Variants in ATRNL1 observed in about 807,000 individuals in gnomAD.
ATRNL1 encodes the protein attractin like 1.
Under a neutral mutation model 182.7 loss-of-function variants are expected in ATRNL1, and 95 were observed. The observed-to-expected ratio is 0.52, with a 90% CI of 0.44 to 0.62. The LOEUF is 0.62. Among genes scored for constraint, ATRNL1 ranks in the 20% least tolerant of loss-of-function variants. ATRNL1 has a pLI of 0.00. For missense variants in ATRNL1, 1,471 were observed against 1,679.5 expected (o/e 0.88, Z 2.17); for synonymous variants, 576 against 568.3 (o/e 1.01, Z -0.19).
chr10:115,947,539 A>C lies in ATRNL1; in HGVS notation c.*2760A>C, dbSNP rs1338134537. 6.5e-6 allele frequency: 1 copy of C among 152,682 alleles called. No homozygotes were observed. The highest frequency in any genetic ancestry group is 1.5e-5 in the Non-Finnish European group (1 of 68,046). 9.5% of individuals were successfully genotyped at this position (152,682 alleles called of 1,614,324 possible). On this transcript the variant is annotated 3_prime_UTR_variant, in exon 29 of 29. Coordinates refer to ENST00000355044, the MANE Select transcript of ATRNL1 (RefSeq NM_207303.4). ...ACATACTTACAGATTCAGCTAATAA[A>C]TTTTAAGAGGATTAGGATTCTCATA...
chr10:115,317,032 G>GT (rs542941096), intron 18 of ATRNL1, among the ~76,000 whole-genome samples: 20 of 152,004 alleles, frequency 1.3e-4, no homozygotes, highest in South Asian at 2.1e-4. Context: ...TTCTTCTAGG[G>GT]TTTTTTATGG....
chr10:115,555,546 T>G lies in ATRNL1; in HGVS notation c.3795+6010T>G, dbSNP rs146552575. On this transcript the variant is annotated intron_variant, in intron 26 of 28. Coordinates refer to ENST00000355044, the MANE Select transcript of ATRNL1 (RefSeq NM_207303.4). ...CATATTTGTGTTAATATTAAATTAG[T>G]TTATTCCTTCAACAAATATTTATTG... Among the ~76,000 whole-genome samples, 1,260 of 152,052 alleles carry G rather than the reference T, an allele frequency of 8.3e-3. 17 individuals are homozygous for G. The highest frequency in any genetic ancestry group is 0.029 in the African/African-American group (1,201 of 41,552).
chr10:115,380,551 C>A (rs1857941030), intron 19 of ATRNL1, among the ~76,000 whole-genome samples: 1 of 152,274 alleles, frequency 6.6e-6, no homozygotes, highest in Admixed American at 6.5e-5. Flanking sequence ...CCTCTGGTAG[C>A]CCTGGGCAAT....
At chr10:115,841,081 GA>G (rs1565426762) in intron 27 of ATRNL1, among the ~76,000 whole-genome samples, 1 of 152,016 alleles carries the variant, frequency 6.6e-6, no homozygotes, top group African/African-American at 2.4e-5. Context: ...TTAAAGTTTT[GA>G]AAAATGCTAA....
chr10:115,576,300 T>G (rs145532853), intron 26 of ATRNL1, among the ~76,000 whole-genome samples: 195 of 152,194 alleles, frequency 1.3e-3, no homozygotes, highest in African/African-American at 4.4e-3. Context: ...TTTTTCATTT[T>G]TTGAGGAATC....
At chr10:115,338,905 C>A (rs782790490) in intron 19 of ATRNL1, among the ~76,000 whole-genome samples, 2 of 152,072 alleles carry the variant, frequency 1.3e-5, no homozygotes, top group Non-Finnish European at 2.9e-5. Context: ...TTATATATGG[C>A]AAGAGATAGG....
intron 26 of ATRNL1, among the ~76,000 whole-genome samples, chr10:115,715,155 C>T (rs1256742882): frequency 1.3e-5 from 2 of 152,136 alleles, no homozygotes; most frequent in Non-Finnish European, 2.9e-5. Context: ...GAACCCACTC[C>T]TTATAAAAAT....
At chr10:115,274,995 C>G (rs1688202430) in intron 13 of ATRNL1, among the ~76,000 whole-genome samples, 3 of 152,124 alleles carry the variant, frequency 2.0e-5, no homozygotes, top group Admixed American at 6.5e-5. Flanking sequence ...TGGGAATTAC[C>G]ACTCCTGCAT....
intron 26 of ATRNL1, among the ~76,000 whole-genome samples, chr10:115,613,649 A>C (rs1333269661): frequency 2.0e-5 from 3 of 152,166 alleles, no homozygotes; most frequent in Non-Finnish European, 4.4e-5. Flanking sequence ...TGAACCCATC[A>C]GGTACTGGGT....
intron 21 of ATRNL1, among the ~76,000 whole-genome samples, chr10:115,429,244 G>T (rs564391274): frequency 6.6e-6 from 1 of 151,858 alleles, no homozygotes; most frequent in Non-Finnish European, 1.5e-5. Flanking sequence ...AATAAAATTC[G>T]TTTTAGTATA....
chr10:115,782,691 TC>T (rs1949294458), intron 27 of ATRNL1, among the ~76,000 whole-genome samples: 1 of 152,150 alleles, frequency 6.6e-6, no homozygotes, highest in Admixed American at 6.6e-5. Context: ...TTTTAGAAAA[TC>T]ATTTTACCTC....
chr10:115,905,643 A>T (rs982515432), intron 28 of ATRNL1, among the ~76,000 whole-genome samples: 11 of 152,290 alleles, frequency 7.2e-5, no homozygotes, highest in African/African-American at 2.6e-4. Flanking sequence ...ACTAGACCCT[A>T]TACATTTGTA....
intron 27 of ATRNL1, among the ~76,000 whole-genome samples, chr10:115,778,192 A>G (rs1949174840): frequency 6.6e-6 from 1 of 152,266 alleles, no homozygotes; most frequent in South Asian, 2.1e-4. Flanking sequence ...AAGCATTAGG[A>G]TAGGTGCTGA....
At chr10:115,655,454 A>C (rs1860273079) in intron 26 of ATRNL1, among the ~76,000 whole-genome samples, 2 of 152,202 alleles carry the variant, frequency 1.3e-5, no homozygotes, top group African/African-American at 4.8e-5. Flanking sequence ...ACATGAACAA[A>C]GTTTGAAGGA....
intron 27 of ATRNL1, among the ~76,000 whole-genome samples, chr10:115,731,564 A>T (rs951248407): frequency 6.6e-6 from 1 of 151,462 alleles, no homozygotes; most frequent in Non-Finnish European, 1.5e-5. Flanking sequence ...GGGGATCAAG[A>T]TCTAGTTATT....
At chr10:115,260,139 A>G (rs957883113) in intron 10 of ATRNL1, among the ~76,000 whole-genome samples, 1 of 152,220 alleles carries the variant, frequency 6.6e-6, no homozygotes, top group African/African-American at 2.4e-5. Context: ...TTCATGTATA[A>G]TTACATTACT....
At chr10:115,878,394 T>A (rs1951745618) in intron 28 of ATRNL1, among the ~76,000 whole-genome samples, 1 of 152,074 alleles carries the variant, frequency 6.6e-6, no homozygotes. Context: ...TAAGAAACAA[T>A]AAGAAATAAA....
At chr10:115,602,682 T>A (rs1184680117) in intron 26 of ATRNL1, among the ~76,000 whole-genome samples, 1 of 151,990 alleles carries the variant, frequency 6.6e-6, no homozygotes, top group Non-Finnish European at 1.5e-5. Context: ...GCTAACACGG[T>A]GAAACCCCGT....
At chr10:115,398,050 A>C (rs1314140385) in intron 20 of ATRNL1, among the ~76,000 whole-genome samples, 1 of 151,964 alleles carries the variant, frequency 6.6e-6, no homozygotes, top group African/African-American at 2.4e-5. Flanking sequence ...AATAGTGTGA[A>C]GCTCCTGGGA....
Sources: gnomAD v4.1 joint callset for allele counts (sites outside exome capture counted in the v4.1 genomes callset) on GRCh38, gnomAD v4.1.1 for gene constraint, MANE v1.5 for transcripts, NCBI Gene and HGNC (gene_info 2026-07-23, HGNC 2026-07-21) for gene names.